TMEM156: variants seen among roughly 807,000 people sequenced by gnomAD.
TMEM156 encodes the protein transmembrane protein 156.
Under a neutral mutation model 30.5 loss-of-function variants are expected in TMEM156, and 28 were observed. The observed-to-expected ratio is 0.92, with a 90% CI of 0.68 to 1.26. The LOEUF is 1.26. Ranked by LOEUF, TMEM156 falls within the 50% of genes most tolerant of loss-of-function variation. TMEM156 has a pLI of 0.00. For synonymous variants in TMEM156, 137 were observed against 119.9 expected (o/e 1.14, Z -0.93); for missense variants, 351 against 340.6 (o/e 1.03, Z -0.24).
chr4:39,012,136 A>G (rs1043137766), intron 1 of TMEM156, among the ~76,000 whole-genome samples: 10 of 152,240 alleles, frequency 6.6e-5, no homozygotes, highest in Non-Finnish European at 1.2e-4. Context: ...TATCCATGTA[A>G]CAAACCTGCA....
chr4:39,009,668 G>A (rs549199247), intron 1 of TMEM156, among the ~76,000 whole-genome samples: 6 of 152,152 alleles, frequency 3.9e-5, no homozygotes, highest in South Asian at 2.1e-4. Flanking sequence ...CTCAATAGAC[G>A]CAGAAAAAGC....
At chr4:38,992,478 T>C (rs1221250202) in intron 3 of TMEM156, among the ~76,000 whole-genome samples, 1 of 151,606 alleles carries the variant, frequency 6.6e-6, no homozygotes, top group Non-Finnish European at 1.5e-5. Flanking sequence ...AGAATTAAGT[T>C]ATGCAAGTAT....
At chr4:39,013,361 A>G (rs1323513771) in intron 1 of TMEM156, among the ~76,000 whole-genome samples, 1 of 147,056 alleles carries the variant, frequency 6.8e-6, no homozygotes, top group Non-Finnish European at 1.5e-5. Flanking sequence ...AAAGAGTAGT[A>G]TGACATAATT....
chr4:38,989,426 G>T (rs972504531), intron 3 of TMEM156, among the ~76,000 whole-genome samples: 2 of 152,206 alleles, frequency 1.3e-5, no homozygotes, highest in Non-Finnish European at 2.9e-5. Flanking sequence ...GCAGTCAAAG[G>T]ACTGGTCTGA....
intron 1 of TMEM156, among the ~76,000 whole-genome samples, chr4:38,999,696 C>T (rs944387488): frequency 6.6e-6 from 1 of 152,162 alleles, no homozygotes. Context: ...GATTGTACTA[C>T]CTCTGGAGGT....
At chr4:38,994,435 T>A (rs1355160755) in intron 2 of TMEM156, among the ~76,000 whole-genome samples, 2 of 152,142 alleles carry the variant, frequency 1.3e-5, no homozygotes, top group South Asian at 4.1e-4. Flanking sequence ...CTAAAAATAA[T>A]CAGTAAGGTG....
intron 3 of TMEM156, among the ~76,000 whole-genome samples, chr4:38,989,735 T>C (rs1215327814): frequency 6.6e-6 from 1 of 152,188 alleles, no homozygotes; most frequent in Non-Finnish European, 1.5e-5. Context: ...GGTGGCATCA[T>C]CATAGCTAAC....
At chr4:38,983,628 G>A (rs1711743703) in intron 5 of TMEM156, among the ~76,000 whole-genome samples, 1 of 152,092 alleles carries the variant, frequency 6.6e-6, no homozygotes, top group Non-Finnish European at 1.5e-5. Context: ...TTGAACTCCT[G>A]GACTCAAGTG....
At chr4:39,008,388 C>A (rs2110012483) in intron 1 of TMEM156, among the ~76,000 whole-genome samples, 1 of 152,170 alleles carries the variant, frequency 6.6e-6, no homozygotes, top group African/African-American at 2.4e-5. Context: ...AGTATTTCTT[C>A]TTTGATCTGT....
At chr4:38,972,448 A>C (rs1722649069) in intron 5 of TMEM156, among the ~76,000 whole-genome samples, 1 of 150,042 alleles carries the variant, frequency 6.7e-6, no homozygotes, top group African/African-American at 2.5e-5. Flanking sequence ...ACGGGGTTTC[A>C]CCATGTTGGC....
intron 6 of TMEM156, among the ~76,000 whole-genome samples, chr4:38,968,547 T>A (rs1305601509): frequency 1.3e-5 from 2 of 152,142 alleles, no homozygotes; most frequent in Non-Finnish European, 2.9e-5. Flanking sequence ...ATTTGGTGAA[T>A]GAACAAAGAA....
chr4:39,028,164 A>G (rs1715322635), intron 1 of TMEM156, among the ~76,000 whole-genome samples: 1 of 152,216 alleles, frequency 6.6e-6, no homozygotes, highest in African/African-American at 2.4e-5. Flanking sequence ...CTGGGATTAC[A>G]GGCGTGAGCC....
intron 5 of TMEM156, among the ~76,000 whole-genome samples, chr4:38,971,659 T>C (rs1249515584): frequency 6.6e-6 from 1 of 152,236 alleles, no homozygotes; most frequent in Non-Finnish European, 1.5e-5. Flanking sequence ...TCCTACATCA[T>C]GACATCTCGT....
chr4:39,005,644 T>C (rs1019611128), intron 1 of TMEM156, among the ~76,000 whole-genome samples: 1 of 152,226 alleles, frequency 6.6e-6, no homozygotes, highest in African/African-American at 2.4e-5. Flanking sequence ...TGGTGGTAGG[T>C]ACACTGGTGT....
Position 39,030,769 on chromosome 4 carries a change from C to T in TMEM156, c.88+1457G>A, listed in dbSNP as rs559058265. Among the ~76,000 whole-genome samples the T allele has an allele frequency of 9.2e-5, 14 of 151,974 alleles. No homozygotes were observed. In the South Asian group the frequency reaches 2.7e-3, roughly 29 times the overall value. On this transcript the variant is annotated intron_variant, in intron 1 of 6. Coordinates refer to ENST00000381938, the MANE Select transcript of TMEM156 (RefSeq NM_024943.3). ...TAGCTAGATAGATATATAGATAGAA[C>T]CTACTCCGGATAACTATTAAATGAG... is the stretch of plus-strand genomic sequence containing the variant.
chr4:38,970,491 T>C (rs983800172), intron 6 of TMEM156, among the ~76,000 whole-genome samples: 12 of 152,124 alleles, frequency 7.9e-5, no homozygotes, highest in African/African-American at 2.9e-4. Flanking sequence ...CTGTTATAAT[T>C]TTTATACCCC....
At chr4:39,007,201 T>C (rs76365708) in intron 1 of TMEM156, among the ~76,000 whole-genome samples, 1,586 of 152,264 alleles carry the variant, frequency 0.01, 30 homozygotes, top group African/African-American at 0.035. Context: ...ACTTTTCCTG[T>C]ATACAAGCTC....
At chr4:38,985,695 A>G (rs1711932303) in intron 5 of TMEM156, among the ~76,000 whole-genome samples, 1 of 152,192 alleles carries the variant, frequency 6.6e-6, no homozygotes, top group Admixed American at 6.5e-5. Context: ...TTCACGGTCA[A>G]GGATATTATT....
At chr4:38,976,852 C>T (rs1337377642) in intron 5 of TMEM156, among the ~76,000 whole-genome samples, 1 of 152,116 alleles carries the variant, frequency 6.6e-6, no homozygotes, top group Admixed American at 6.6e-5. Context: ...AATAACAAAG[C>T]ATCTTATAAC....
Sources: gnomAD v4.1 joint callset for allele counts (sites outside exome capture counted in the v4.1 genomes callset) on GRCh38, gnomAD v4.1.1 for gene constraint, MANE v1.5 for transcripts, NCBI Gene and HGNC (gene_info 2026-07-23, HGNC 2026-07-21) for gene names.